CNTNAP2: variants seen among roughly 807,000 people sequenced by gnomAD.
CNTNAP2 encodes the protein contactin associated protein 2.
A neutral mutation model predicts 155.2 loss-of-function variants in CNTNAP2; 98 were observed. The ratio of observed to expected loss-of-function variants is 0.63; its 90% CI spans 0.54 to 0.75. The LOEUF (loss-of-function observed/expected upper bound fraction) is 0.75, where lower values mean the gene tolerates loss of function less well. Ranked by LOEUF, CNTNAP2 falls within the 30% of genes least tolerant of loss-of-function variation. The pLI is 0.00. For missense variants in CNTNAP2, 1,727 were observed against 1,688.1 expected (o/e 1.02, Z -0.40); for synonymous variants, 651 against 631.2 (o/e 1.03, Z -0.47).
chr7:146,638,954 C>G (rs1464598678), intron 1 of CNTNAP2, among the ~76,000 whole-genome samples: 1 of 152,132 alleles, frequency 6.6e-6, no homozygotes, highest in Non-Finnish European at 1.5e-5. Context: ...ATATAACATA[C>G]AGCTGTACTA....
chr7:148,198,993 T>C (rs1795324749), intron 18 of CNTNAP2, among the ~76,000 whole-genome samples: 1 of 151,576 alleles, frequency 6.6e-6, no homozygotes, highest in Non-Finnish European at 1.5e-5. Flanking sequence ...AGAGAAACAA[T>C]GGGGTGTGGA....
chr7:147,095,740 T>C (rs1800517500), intron 4 of CNTNAP2, among the ~76,000 whole-genome samples: 1 of 152,198 alleles, frequency 6.6e-6, no homozygotes, highest in Non-Finnish European at 1.5e-5. Context: ...ACAATTTCCA[T>C]TTTATTTCAG....
intron 13 of CNTNAP2, among the ~76,000 whole-genome samples, chr7:147,880,067 G>T (rs144465934): frequency 4.6e-5 from 7 of 152,248 alleles, no homozygotes; most frequent in African/African-American, 1.7e-4. Flanking sequence ...TTCTTCTCCC[G>T]CAGCGTTAGC....
At chr7:146,829,241 C>A (rs1429972738) in intron 2 of CNTNAP2, among the ~76,000 whole-genome samples, 1 of 151,934 alleles carries the variant, frequency 6.6e-6, no homozygotes, top group African/African-American at 2.4e-5. Context: ...TAAACAGAAG[C>A]CTCAGCTAGA....
intron 1 of CNTNAP2, among the ~76,000 whole-genome samples, chr7:146,252,202 A>G (rs1390663540): frequency 2.0e-5 from 3 of 152,214 alleles, no homozygotes; most frequent in Non-Finnish European, 4.4e-5. Context: ...AAGCAGCCAC[A>G]TGACTTGGCA....
intron 1 of CNTNAP2, among the ~76,000 whole-genome samples, chr7:146,188,770 A>T (rs934058072): frequency 3.3e-5 from 5 of 152,240 alleles, no homozygotes; most frequent in Non-Finnish European, 5.9e-5. Context: ...TATCATGAAT[A>T]GACTAGAGCA....
At chr7:147,725,753 G>A (rs1796630298) in intron 13 of CNTNAP2, among the ~76,000 whole-genome samples, 4 of 152,058 alleles carry the variant, frequency 2.6e-5, no homozygotes, top group African/African-American at 9.7e-5. Context: ...CTAAAGTTGT[G>A]AACCCAACAC....
chr7:146,683,141 C>G (rs1800534499), intron 1 of CNTNAP2, among the ~76,000 whole-genome samples: 1 of 152,166 alleles, frequency 6.6e-6, no homozygotes. Context: ...TCAAATGATT[C>G]TCTTGCCTCA....
At chr7:146,976,135 C>A (rs1239383173) in intron 3 of CNTNAP2, among the ~76,000 whole-genome samples, 1 of 152,142 alleles carries the variant, frequency 6.6e-6, no homozygotes, top group Non-Finnish European at 1.5e-5. Flanking sequence ...GGTGAGTTAA[C>A]CTAAAAATAT....
At chr7:148,252,859 G>C (rs897264029) in intron 20 of CNTNAP2, among the ~76,000 whole-genome samples, 3 of 151,922 alleles carry the variant, frequency 2.0e-5, no homozygotes, top group African/African-American at 4.8e-5. Context: ...CCCAAAACAG[G>C]GTCCAAGCTT....
intron 1 of CNTNAP2, among the ~76,000 whole-genome samples, chr7:146,398,527 G>T (rs1024146327): frequency 6.6e-6 from 1 of 152,052 alleles, no homozygotes; most frequent in Non-Finnish European, 1.5e-5. Flanking sequence ...TATGAGATTC[G>T]GGTGGGGACA....
intron 1 of CNTNAP2, among the ~76,000 whole-genome samples, chr7:146,614,541 G>T (rs759303280): frequency 2.3e-4 from 35 of 152,138 alleles, no homozygotes; most frequent in Non-Finnish European, 4.6e-4. Flanking sequence ...TTGGGGAAAA[G>T]GGCCACAATC....
intron 3 of CNTNAP2, among the ~76,000 whole-genome samples, chr7:146,951,521 A>C (rs942758761): frequency 1.3e-5 from 2 of 152,140 alleles, no homozygotes; most frequent in African/African-American, 2.4e-5. Context: ...ATGGCTAGCT[A>C]ATTTTCCCAA....
At chr7:146,294,706 C>A (rs1015662537) in intron 1 of CNTNAP2, among the ~76,000 whole-genome samples, 3 of 152,158 alleles carry the variant, frequency 2.0e-5, no homozygotes, top group Non-Finnish European at 4.4e-5. Flanking sequence ...GAGTCAGAGC[C>A]TGAACCTTAG....
intron 12 of CNTNAP2, among the ~76,000 whole-genome samples, chr7:147,607,269 C>CGG (rs1801088507): frequency 6.6e-6 from 1 of 151,562 alleles, no homozygotes. Flanking sequence ...GGTCAAGAAA[C>CGG]GGGACAGAAG....
intron 9 of CNTNAP2, among the ~76,000 whole-genome samples, chr7:147,303,621 C>T (rs1053190655): frequency 2.0e-5 from 3 of 152,184 alleles, no homozygotes; most frequent in African/African-American, 4.8e-5. Context: ...GCTTTGGAAT[C>T]CTGCATACCT....
intron 15 of CNTNAP2, among the ~76,000 whole-genome samples, chr7:148,036,601 C>T (rs769879565): frequency 4.6e-5 from 7 of 151,990 alleles, no homozygotes; most frequent in South Asian, 4.2e-4. Flanking sequence ...TCCAAAGGGA[C>T]GTTTTCATTC....
In CNTNAP2 at chr7:146,891,379, C is replaced by T. The variant is rs62481435; in HGVS notation, c.402+51475C>T. Among the ~76,000 whole-genome samples, 468 of 152,050 alleles carry T rather than the reference C, an allele frequency of 3.1e-3. 2 individuals carry two copies. Among genetic ancestry groups the T allele is most frequent in the Non-Finnish European group, 5.6e-3 (384 of 67,980 alleles). On this transcript the variant is annotated intron_variant, in intron 3 of 23. Transcript: ENST00000361727. ...AATATACCCATGCAACACATCTGCA[C>T]GTATACCCCCGAATGTAAAAGTTGA...
At chr7:146,886,274 T>G (rs1240948807) in intron 3 of CNTNAP2, among the ~76,000 whole-genome samples, 1 of 117,826 alleles carries the variant, frequency 8.5e-6, no homozygotes, top group Non-Finnish European at 1.7e-5. Context: ...TTCAGTTTTC[T>G]TAAAAAAAAA....
Sources: allele counts gnomAD v4.1 joint callset (sites outside exome capture counted in the v4.1 genomes callset), GRCh38; gene constraint gnomAD v4.1.1; transcripts MANE v1.5; gene names NCBI Gene and HGNC (gene_info 2026-07-23, HGNC 2026-07-21).